Variants in PTPN2 observed in about 807,000 individuals in gnomAD.
PTPN2 encodes protein tyrosine phosphatase non-receptor type 2, also known as tyrosine-protein phosphatase non-receptor type 2.
A neutral mutation model predicts 57.3 loss-of-function variants in PTPN2; 19 were observed. The observed-to-expected ratio is 0.33, with a 90% CI of 0.23 to 0.49. The LOEUF (loss-of-function observed/expected upper bound fraction) is 0.49. Ranked by LOEUF, PTPN2 falls within the 20% of genes least tolerant of loss-of-function variation. The pLI is 0.99. For synonymous variants in PTPN2, 153 were observed against 164.9 expected, an observed-to-expected ratio of 0.93 and a Z score of 0.55; for missense variants, 358 against 501.1, an observed-to-expected ratio of 0.71 and a Z score of 2.73.
In PTPN2 at chr18:12,793,512, C is replaced by G. The variant is rs1417228234; in HGVS notation, c.*766G>C. 1 of 980,112 alleles carries G rather than the reference C, an allele frequency of 1.0e-6. No homozygotes were observed. The highest frequency in any genetic ancestry group is 6.2e-5 in the Admixed American group (1 of 16,250). The allele number at this position is 980,112 out of a possible 1,614,324, so 60.7% of individuals were successfully genotyped here. Reference sequence around the variant, plus strand: ...TATCCCAGTAAGGAGAATTTTCCTTCAAAGATATTTTTAGGAAAAACTTTT... The same window carrying G: ...TATCCCAGTAAGGAGAATTTTCCTTGAAAGATATTTTTAGGAAAAACTTTT... On this transcript the variant is annotated 3_prime_UTR_variant, in exon 9 of 9. Transcript: ENST00000309660.
intron 1 of PTPN2, among the ~76,000 whole-genome samples, chr18:12,881,774 T>A (rs2044674318): frequency 6.6e-6 from 1 of 152,176 alleles, no homozygotes. Context: ...ACAGGACTCC[T>A]AGGTAACTCA....
At chr18:12,841,641 A>C (rs1283879714) in intron 2 of PTPN2, among the ~76,000 whole-genome samples, 1 of 152,230 alleles carries the variant, frequency 6.6e-6, no homozygotes, top group East Asian at 1.9e-4. Flanking sequence ...TGAAATCATC[A>C]GCGTCTTTCA....
At chr18:12,790,035 T>C (rs567166444), downstream of PTPN2, among the ~76,000 whole-genome samples, 1 of 152,146 alleles carries the variant, frequency 6.6e-6, no homozygotes, top group African/African-American at 2.4e-5. Flanking sequence ...TGTGCTTATG[T>C]GATCCTCCTG....
chr18:12,875,965 T>C (rs892138456), intron 1 of PTPN2, among the ~76,000 whole-genome samples: 1 of 152,154 alleles, frequency 6.6e-6, no homozygotes, highest in East Asian at 1.9e-4. Flanking sequence ...CCCAGCATTA[T>C]GGAAGGGTGA....
chr18:12,794,176 C>G lies in PTPN2; in HGVS notation c.*102G>C. On this transcript the variant is annotated 3_prime_UTR_variant, in exon 9 of 9. Transcript: ENST00000309660. ...TATCTGGTTGATGTCTATTCTACTG[C>G]ACCGTTTTTGGGATATGAGGCGTTT... 1 of 1,545,170 alleles carries G rather than the reference C, an allele frequency of 6.5e-7. No individual in the cohort carries two copies. The highest frequency in any genetic ancestry group is 1.4e-5 in the African/African-American group (1 of 72,742).
At chr18:12,834,040 T>A (rs534099311) in intron 3 of PTPN2, among the ~76,000 whole-genome samples, 1 of 152,050 alleles carries the variant, frequency 6.6e-6, no homozygotes, top group Admixed American at 6.6e-5. Context: ...AAACAATTAC[T>A]AGGAGGCTGG....
intron 2 of PTPN2, among the ~76,000 whole-genome samples, chr18:12,842,445 C>A (rs1304992350): frequency 6.6e-6 from 1 of 152,080 alleles, no homozygotes; most frequent in Non-Finnish European, 1.5e-5. Context: ...GGACTCACAG[C>A]GCTGGGGAGA....
intron 1 of PTPN2, among the ~76,000 whole-genome samples, chr18:12,861,248 G>A (rs1396318166): frequency 1.3e-5 from 2 of 152,206 alleles, no homozygotes; most frequent in African/African-American, 4.8e-5. Context: ...CAAGATATAA[G>A]ACACTGTTAT....
At chr18:12,841,493 G>A (rs1261412299) in intron 2 of PTPN2, among the ~76,000 whole-genome samples, 1 of 152,240 alleles carries the variant, frequency 6.6e-6, no homozygotes, top group East Asian at 1.9e-4. Context: ...AAGGTGATGA[G>A]GCCTGAATCA....
At chr18:12,840,573 C>T (rs2145412078) in intron 2 of PTPN2, 2 of 961,776 alleles carry the variant, frequency 2.1e-6, no homozygotes, top group East Asian at 5.2e-5. Flanking sequence ...GGTCACCTCT[C>T]TCAGTCCTCA....
At chr18:12,787,997 T>C (rs2040885030), downstream of PTPN2, 1 of 154,780 alleles carries the variant, frequency 6.5e-6, no homozygotes, top group Non-Finnish European at 1.5e-5. Context: ...ACTAATATTC[T>C]ACTAAACTGA....
chr18:12,838,908 T>A (rs1254205035), intron 2 of PTPN2, among the ~76,000 whole-genome samples: 1 of 150,902 alleles, frequency 6.6e-6, no homozygotes, highest in Non-Finnish European at 1.5e-5. Context: ...TGAAAAACAA[T>A]TTAAAAAGGA....
In PTPN2 at chr18:12,825,096, T is replaced by C. The variant is rs76575900; in HGVS notation, c.495+714A>G. ...AAGCAAGACTGTCTCAAAAAACCAA[T>C]CAACCAACCAACCAACCAACCAAAC... On this transcript the variant is annotated intron_variant, in intron 5 of 8. Transcript: ENST00000309660. 1.5e-3 allele frequency among the ~76,000 whole-genome samples: 232 copies of C among 151,916 alleles called. 2 individuals are homozygous for C. Among genetic ancestry groups the C allele is most frequent in the Non-Finnish European group, 2.8e-3 (188 of 67,956 alleles).
chr18:12,786,824 C>T (rs1024638825), intron 9 of PTPN2: 10 of 152,254 alleles, frequency 6.6e-5, no homozygotes, highest in East Asian at 1.9e-4. Context: ...GTGTTCTGAA[C>T]GTCCTTTTTT....
At chr18:12,879,835 A>G (rs2044610916) in intron 1 of PTPN2, among the ~76,000 whole-genome samples, 1 of 152,234 alleles carries the variant, frequency 6.6e-6, no homozygotes, top group African/African-American at 2.4e-5. Context: ...TTCTTTTCCC[A>G]GCTCCATGAG....
chr18:12,825,843 A>G lies in PTPN2; in HGVS notation c.462T>C (p.Tyr154=). ...TTTCTAATTGTAGTAGATGTACTGT[A>G]TAATACGACTTCACATCTTCTGACA... ...KLLSEDVKSY[Y]TVHLLQLENI... is the part of the protein sequence containing the mutation. The change falls in exon 5 of 9, where the codon TAT becomes TAC. Residue 154 remains tyrosine (Y), a synonymous_variant. Transcript: ENST00000309660. 4 of 1,611,146 alleles carry G rather than the reference A, an allele frequency of 2.5e-6. No homozygotes were observed. The highest frequency in any genetic ancestry group is 4.3e-4 in the Middle Eastern group (2 of 4,656).
At chr18:12,831,403 C>T (rs1016841226) in intron 3 of PTPN2, among the ~76,000 whole-genome samples, 42 of 152,156 alleles carry the variant, frequency 2.8e-4, no homozygotes, top group African/African-American at 9.7e-4. Flanking sequence ...CTCTTGATAC[C>T]GTCACTACTA....
At chr18:12,867,331 A>C (rs1053240081) in intron 1 of PTPN2, among the ~76,000 whole-genome samples, 5 of 151,978 alleles carry the variant, frequency 3.3e-5, no homozygotes, top group African/African-American at 1.2e-4. Flanking sequence ...TAAATAAATA[A>C]ATAAATAAAT....
intron 8 of PTPN2, among the ~76,000 whole-genome samples, chr18:12,795,478 T>C (rs557424593): frequency 1.3e-5 from 2 of 152,074 alleles, no homozygotes; most frequent in East Asian, 3.9e-4. Flanking sequence ...GTATTTTTAG[T>C]GAGATGATGT....
Sources: gnomAD v4.1 joint callset for allele counts (sites outside exome capture counted in the v4.1 genomes callset) on GRCh38, gnomAD v4.1.1 for gene constraint, MANE v1.5 for transcripts, NCBI Gene and HGNC (gene_info 2026-07-23, HGNC 2026-07-21) for gene names.